PCDHGA1: variants seen among roughly 807,000 people sequenced by gnomAD.
PCDHGA1 encodes the protein protocadherin gamma-A1.
In PCDHGA1, 32 loss-of-function variants were observed where a neutral mutation model predicts 58.0. The observed-to-expected ratio is 0.55, with a 90% CI of 0.42 to 0.74. The LOEUF is 0.74. Among genes scored for constraint, PCDHGA1 ranks in the 30% least tolerant of loss-of-function variants. The pLI, the probability that PCDHGA1 is intolerant of heterozygous loss-of-function variation, is 0.00. For synonymous variants in PCDHGA1, 498 were observed against 501.1 expected, an observed-to-expected ratio of 0.99 and a Z score of 0.08; for missense variants, 1,205 against 1,182.3, an observed-to-expected ratio of 1.02 and a Z score of -0.28.
chr5:141,372,095 G>C (rs1359793562), intron 1 of PCDHGA1: 1 of 1,613,790 alleles, frequency 6.2e-7, no homozygotes, highest in Admixed American at 1.7e-5. Context: ...ACCCAGCTCT[G>C]GGGCCCGAAG....
intron 1 of PCDHGA1, chr5:141,350,423 A>G: frequency 6.2e-7 from 1 of 1,607,140 alleles, no homozygotes; most frequent in East Asian, 2.2e-5. Context: ...TCTGGGGCTC[A>G]GTGTCCGGGA....
intron 1 of PCDHGA1, among the ~76,000 whole-genome samples, chr5:141,470,055 G>A (rs1432696943): frequency 1.3e-5 from 2 of 152,192 alleles, no homozygotes; most frequent in Non-Finnish European, 1.5e-5. Context: ...TTTGAACCCC[G>A]GAGGCAGAGA....
At chr5:141,469,249 C>T (rs1025813940) in intron 1 of PCDHGA1, among the ~76,000 whole-genome samples, 1 of 152,026 alleles carries the variant, frequency 6.6e-6, no homozygotes, top group Non-Finnish European at 1.5e-5. Flanking sequence ...TGCACTCCAG[C>T]TTGGGCAACA....
rs1344329529 is a variant in PCDHGA1, at chr5:141,456,847, C to T, written c.2422-37960C>T. Among the ~76,000 whole-genome samples the T allele has an allele frequency of 2.0e-5, 3 of 152,084 alleles. No homozygotes were observed. The East Asian group carries it at 5.8e-4, about 29-fold the overall frequency. ...TCGTGGTAGTGGGCGCCTGTAATCC[C>T]AGCTAATTGGGAGGCTGAGGCAGGA... On this transcript the variant is annotated intron_variant, in intron 1 of 3. Transcript: ENST00000517417.
chr5:141,405,032 G>T lies in PCDHGA1; in HGVS notation c.2421+71927G>T, dbSNP rs747720731. On this transcript the variant is annotated intron_variant, in intron 1 of 3. Coordinates refer to ENST00000517417, the MANE Select transcript of PCDHGA1 (RefSeq NM_018912.3). Reference sequence around the variant, plus strand: ...GGCCTCAGACCTTACCCTCTACCTCGTTGTGGCTGTGGCAGTCGTCTCCTG... The same window carrying T: ...GGCCTCAGACCTTACCCTCTACCTCTTTGTGGCTGTGGCAGTCGTCTCCTG... The T allele has an allele frequency of 1.9e-6, 3 of 1,613,806 alleles. No homozygotes were observed. Among genetic ancestry groups the T allele is most frequent in the Admixed American group, 3.3e-5 (2 of 59,992 alleles).
chr5:141,404,833 C>G (rs754055876), intron 1 of PCDHGA1: 1 of 1,613,844 alleles, frequency 6.2e-7, no homozygotes, highest in Admixed American at 1.7e-5. Flanking sequence ...GTGAAGTGCG[C>G]ACAGCTCGGG....
chr5:141,383,662 G>A (rs780831620), intron 1 of PCDHGA1: 10 of 1,614,042 alleles, frequency 6.2e-6, no homozygotes, highest in South Asian at 1.1e-5. Flanking sequence ...CCCCGAGAAT[G>A]TGCCAGTGGG....
intron 1 of PCDHGA1, among the ~76,000 whole-genome samples, chr5:141,347,578 G>A (rs1381748285): frequency 6.6e-6 from 1 of 152,132 alleles, no homozygotes; most frequent in Non-Finnish European, 1.5e-5. Flanking sequence ...CTTGAAGTCA[G>A]GAGTTCAAGA....
rs57419416 is a variant in PCDHGA1, at chr5:141,368,862, T to C, written c.2421+35757T>C. On this transcript the variant is annotated intron_variant, in intron 1 of 3. Transcript: ENST00000517417. ...TTGGAAGGCACTTGCTTTGGAATGT[T>C]TTGGAGCAAAGTCTTGAGTCAGTTA... Among the ~76,000 whole-genome samples, 1,508 of 152,302 alleles carry C rather than the reference T, an allele frequency of 9.9e-3. 27 individuals are homozygous for C. Among genetic ancestry groups the C allele is most frequent in the African/African-American group, 0.034 (1,407 of 41,562 alleles).
At position 141,419,598 on chromosome 5, in the gene PCDHGA1, G is replaced by A. The variant is rs1466867194; in HGVS notation, c.2422-75209G>A. On this transcript the variant is annotated intron_variant, in intron 1 of 3. Transcript: ENST00000517417. ...TCCGCGCTCTTCGACACAGTGCCGC[G>A]GGCCGCGCAGCCAGGCTACCTGGTG... 21 of 1,611,674 alleles carry A rather than the reference G, an allele frequency of 1.3e-5. No individual in the cohort carries two copies. In the South Asian group the frequency reaches 1.3e-4, roughly 10 times the overall value.
chr5:141,470,113 A>C (rs1209326739), intron 1 of PCDHGA1, among the ~76,000 whole-genome samples: 1 of 152,126 alleles, frequency 6.6e-6, no homozygotes, highest in Non-Finnish European at 1.5e-5. Context: ...TGAGCAACAG[A>C]GCAAGACTTC....
In PCDHGA1 at chr5:141,330,657, T is replaced by C; in HGVS notation, c.-28T>C. 5.1e-6 allele frequency: 8 copies of C among 1,578,192 alleles called. No individual in the cohort carries two copies. The highest frequency in any genetic ancestry group is 6.9e-6 in the Non-Finnish European group (8 of 1,160,904). On this transcript the variant is annotated 5_prime_UTR_variant, in exon 1 of 4. Coordinates refer to ENST00000517417, the MANE Select transcript of PCDHGA1 (RefSeq NM_018912.3). ...AGAAACGATACCCTTGGTACTGGACTGGAAGAAAACTACGAAGTGAGAGAG... is the reference window on the plus strand; with the variant it reads ...AGAAACGATACCCTTGGTACTGGACCGGAAGAAAACTACGAAGTGAGAGAG...
At chr5:141,438,630 A>ATG (rs2098034686) in intron 1 of PCDHGA1, among the ~76,000 whole-genome samples, 1 of 38,920 alleles carries the variant, frequency 2.6e-5, no homozygotes, top group Non-Finnish European at 4.2e-5. Flanking sequence ...ATATATATAT[A>ATG]TATATACACA....
chr5:141,489,284 T>A lies in PCDHGA1; in HGVS notation c.2422-5523T>A. On this transcript the variant is annotated intron_variant, in intron 1 of 3. Transcript: ENST00000517417. This position sits in a 1 kb window ranked among gnomAD's most constrained non-coding sequence, Gnocchi z 4.5. ...CCACAGCTCGCTGGGAAATGGCAAG[T>A]GCTGTGCATGTTGTCCTTGTGCTGC... The A allele has an allele frequency of 6.4e-7, 1 of 1,570,016 alleles. No homozygotes were observed. The highest frequency in any genetic ancestry group is 2.2e-5 in the East Asian group (1 of 44,588).
intron 1 of PCDHGA1, among the ~76,000 whole-genome samples, chr5:141,424,884 T>C (rs953145254): frequency 2.0e-5 from 3 of 152,186 alleles, no homozygotes; most frequent in Non-Finnish European, 4.4e-5. Flanking sequence ...AGGAGACTTA[T>C]CTAGGGTTTT....
At chr5:141,374,703 T>C in intron 1 of PCDHGA1, 1 of 1,609,272 alleles carries the variant, frequency 6.2e-7, no homozygotes, top group Non-Finnish European at 8.5e-7. Flanking sequence ...GGAGAAGCCG[T>C]TTACCGCCTG....
chr5:141,417,023 T>C (rs2096074487), intron 1 of PCDHGA1: 1 of 139,106 alleles, frequency 7.2e-6, no homozygotes, highest in South Asian at 2.3e-4. Flanking sequence ...TTTTGAAAAA[T>C]ACAGGTTTTT....
At chr5:141,400,259 T>A (rs2150848027) in intron 1 of PCDHGA1, 2 of 1,614,016 alleles carry the variant, frequency 1.2e-6, no homozygotes, top group Non-Finnish European at 1.7e-6. Flanking sequence ...GCCTTGCGCC[T>A]GCGACGCTCC....
chr5:141,336,571 G>T (rs1756625348), intron 1 of PCDHGA1, among the ~76,000 whole-genome samples: 1 of 152,092 alleles, frequency 6.6e-6, no homozygotes, highest in Non-Finnish European at 1.5e-5. Flanking sequence ...CCAGAAATGG[G>T]CAATTCCACT....
Sources: gnomAD v4.1 joint callset for allele counts (sites outside exome capture counted in the v4.1 genomes callset) on GRCh38, gnomAD v4.1.1 for gene constraint, Gnocchi (gnomAD v3.1) non-coding constraint, MANE v1.5 for transcripts, NCBI Gene and HGNC (gene_info 2026-07-23, HGNC 2026-07-21) for gene names.